Variants in NKAIN2 observed in about 807,000 individuals in gnomAD.
The protein encoded by NKAIN2 is sodium/potassium-transporting ATPase subunit beta-1-interacting protein 2.
NKAIN2 carries 14 observed loss-of-function variants against 32.6 expected under a neutral mutation model. The observed-to-expected ratio is 0.43, with a 90% CI of 0.28 to 0.67. The LOEUF is 0.67. Ranked by LOEUF, NKAIN2 falls within the 30% of genes least tolerant of loss-of-function variation. The pLI is 0.17. For missense variants in NKAIN2, 198 were observed against 258.3 expected (o/e 0.77, Z 1.60); for synonymous variants, 80 against 87.2 (o/e 0.92, Z 0.46).
intron 3 of NKAIN2, among the ~76,000 whole-genome samples, chr6:124,370,742 G>A (rs1799725550): frequency 6.6e-6 from 1 of 152,038 alleles, no homozygotes; most frequent in South Asian, 2.1e-4. Context: ...TGAGTTTGGT[G>A]CCCTCAATTA....
intron 3 of NKAIN2, among the ~76,000 whole-genome samples, chr6:124,399,499 T>C (rs997855124): frequency 2.0e-5 from 3 of 152,314 alleles, no homozygotes; most frequent in Non-Finnish European, 4.4e-5. Flanking sequence ...AGAGCCTTTT[T>C]GTGAAATTCA....
intron 2 of NKAIN2, among the ~76,000 whole-genome samples, chr6:124,315,441 A>G (rs994223239): frequency 2.0e-5 from 3 of 148,386 alleles, no homozygotes; most frequent in African/African-American, 7.6e-5. Flanking sequence ...AGTGGCACAA[A>G]AAGAAAATCT....
At chr6:124,011,908 T>C (rs962318947) in intron 1 of NKAIN2, among the ~76,000 whole-genome samples, 1 of 152,158 alleles carries the variant, frequency 6.6e-6, no homozygotes, top group Non-Finnish European at 1.5e-5. Context: ...ATTATGAACA[T>C]CAATGGGCTT....
intron 5 of NKAIN2, among the ~76,000 whole-genome samples, chr6:124,804,894 G>T (rs890752068): frequency 9.2e-5 from 14 of 152,212 alleles, no homozygotes; most frequent in African/African-American, 3.4e-4. Flanking sequence ...CTGATTGCTA[G>T]CACAGCAGTC....
intron 3 of NKAIN2, among the ~76,000 whole-genome samples, chr6:124,574,374 T>C (rs1009994349): frequency 1.3e-5 from 2 of 151,908 alleles, no homozygotes; most frequent in African/African-American, 4.8e-5. Context: ...TCCCAGCTCT[T>C]TGGGAGGCCA....
At chr6:124,250,920 T>A (rs1473861552) in intron 1 of NKAIN2, among the ~76,000 whole-genome samples, 1 of 151,998 alleles carries the variant, frequency 6.6e-6, no homozygotes, top group Non-Finnish European at 1.5e-5. Flanking sequence ...GGACTTGGTA[T>A]CATCTGAAGA....
At chr6:124,751,399 C>G (rs1777713187) in intron 4 of NKAIN2, among the ~76,000 whole-genome samples, 2 of 151,858 alleles carry the variant, frequency 1.3e-5, no homozygotes, top group African/African-American at 4.8e-5. Context: ...AGCCTAGAGT[C>G]AAGAAGCCTG....
At chr6:124,622,817 T>A (rs1051754790) in intron 3 of NKAIN2, among the ~76,000 whole-genome samples, 2 of 152,120 alleles carry the variant, frequency 1.3e-5, no homozygotes, top group Admixed American at 1.3e-4. Context: ...CTCTTCTCTC[T>A]TTCTCTGCCG....
At chr6:124,655,069 T>C (rs989611563) in intron 3 of NKAIN2, among the ~76,000 whole-genome samples, 1 of 152,156 alleles carries the variant, frequency 6.6e-6, no homozygotes, top group Non-Finnish European at 1.5e-5. Context: ...TTCTTGAAAT[T>C]ATGGAAGAAA....
chr6:124,437,872 A>ATTTT (rs374033234), intron 3 of NKAIN2: 299 of 344,140 alleles, frequency 8.7e-4, no homozygotes, highest in South Asian at 1.4e-3. Context: ...TGATCTATTG[A>ATTTT]TTTTTTTTTT....
intron 1 of NKAIN2, among the ~76,000 whole-genome samples, chr6:123,929,558 T>G (rs1776159490): frequency 6.6e-6 from 1 of 152,126 alleles, no homozygotes; most frequent in Admixed American, 6.6e-5. Flanking sequence ...ACCAAGTCAA[T>G]GTTCTGAGAC....
intron 3 of NKAIN2, among the ~76,000 whole-genome samples, chr6:124,585,461 A>G (rs1016718945): frequency 9.2e-5 from 14 of 152,244 alleles, no homozygotes; most frequent in Non-Finnish European, 1.6e-4. Context: ...CTAAAAGAGT[A>G]TAATTGGATT....
chr6:124,562,990 C>T (rs1267091963), intron 3 of NKAIN2, among the ~76,000 whole-genome samples: 3 of 151,282 alleles, frequency 2.0e-5, no homozygotes, highest in Non-Finnish European at 4.4e-5. Context: ...CTGCAAAATC[C>T]GCCTCCTAGG....
At chr6:124,420,088 C>T (rs766557699) in intron 3 of NKAIN2, among the ~76,000 whole-genome samples, 1 of 152,024 alleles carries the variant, frequency 6.6e-6, no homozygotes, top group Non-Finnish European at 1.5e-5. Context: ...TGGTTATATA[C>T]TCTTTAAAAA....
At chr6:124,503,359 C>G (rs979023742) in intron 3 of NKAIN2, among the ~76,000 whole-genome samples, 12 of 152,086 alleles carry the variant, frequency 7.9e-5, no homozygotes, top group Non-Finnish European at 1.2e-4. Context: ...AGAGACATCT[C>G]TGTTACAGTT....
intron 3 of NKAIN2, among the ~76,000 whole-genome samples, chr6:124,406,383 G>T (rs2059838948): frequency 1.3e-5 from 2 of 152,100 alleles, no homozygotes; most frequent in South Asian, 2.1e-4. Context: ...TTTGAGATTT[G>T]TCCATGTTGC....
intron 1 of NKAIN2, among the ~76,000 whole-genome samples, chr6:123,920,842 C>T (rs1775719048): frequency 6.6e-6 from 1 of 152,080 alleles, no homozygotes. Context: ...CTTCATAAGT[C>T]AAAAAGTGTG....
intron 2 of NKAIN2, among the ~76,000 whole-genome samples, chr6:124,287,069 C>T (rs553470725): frequency 9.9e-4 from 151 of 152,244 alleles, no homozygotes; most frequent in Non-Finnish European, 1.9e-3. Flanking sequence ...TTAATAAAGA[C>T]ATTTACCTTT....
At chr6:124,042,383 AT>A (rs1181112107) in intron 1 of NKAIN2, among the ~76,000 whole-genome samples, 1 of 152,090 alleles carries the variant, frequency 6.6e-6, no homozygotes, top group Non-Finnish European at 1.5e-5. Flanking sequence ...TCTAGAGCAC[AT>A]GGCAACATAA....
Sources: allele counts gnomAD v4.1 joint callset (sites outside exome capture counted in the v4.1 genomes callset), GRCh38; gene constraint gnomAD v4.1.1; transcripts MANE v1.5; gene names NCBI Gene and HGNC (gene_info 2026-07-23, HGNC 2026-07-21).